RNF38: variants seen among roughly 807,000 people sequenced by gnomAD.
The protein encoded by RNF38 is ring finger protein 38, also known as E3 ubiquitin-protein ligase RNF38.
RNF38 carries 15 observed loss-of-function variants against 67.2 expected under a neutral mutation model. That is an observed-to-expected ratio of 0.22 (90% CI 0.15 to 0.34). The LOEUF is 0.34. Ranked by LOEUF, RNF38 falls within the 10% of genes least tolerant of loss-of-function variation. The pLI is 1.00. For missense variants in RNF38, 524 were observed against 639.9 expected, an observed-to-expected ratio of 0.82 and a Z score of 1.95; for synonymous variants, 220 against 218.8, an observed-to-expected ratio of 1.01 and a Z score of -0.05.
intron 2 of RNF38, among the ~76,000 whole-genome samples, chr9:36,385,173 A>G (rs1158891580): frequency 6.6e-6 from 1 of 152,150 alleles, no homozygotes; most frequent in Non-Finnish European, 1.5e-5. Context: ...TTGAAGTATC[A>G]TCTTCTCTTA....
chr9:36,368,472 C>A (rs1357631959), intron 4 of RNF38, among the ~76,000 whole-genome samples: 1 of 152,120 alleles, frequency 6.6e-6, no homozygotes, highest in Non-Finnish European at 1.5e-5. Flanking sequence ...TATACATACA[C>A]TCATATACAT....
At chr9:36,486,548 G>C (rs555148575) in intron 1 of RNF38, among the ~76,000 whole-genome samples, 11 of 152,224 alleles carry the variant, frequency 7.2e-5, no homozygotes, top group African/African-American at 2.6e-4. Flanking sequence ...CCTTACGGGC[G>C]CCTCCACAAA....
chr9:36,470,921 C>G (rs1428149595), intron 1 of RNF38, among the ~76,000 whole-genome samples: 1 of 152,150 alleles, frequency 6.6e-6, no homozygotes, highest in East Asian at 1.9e-4. Context: ...CCATCTCTCC[C>G]TTTGCTTCTC....
At chr9:36,431,869 AG>A (rs1838941273) in intron 1 of RNF38, among the ~76,000 whole-genome samples, 1 of 152,074 alleles carries the variant, frequency 6.6e-6, no homozygotes, top group South Asian at 2.1e-4. Flanking sequence ...GAAGCTATCA[AG>A]GGGCCCACCA....
At chr9:36,370,916 A>C (rs1026150875) in intron 3 of RNF38, among the ~76,000 whole-genome samples, 4 of 152,112 alleles carry the variant, frequency 2.6e-5, no homozygotes, top group African/African-American at 7.2e-5. Context: ...CTTAAAAAAA[A>C]AAGAGAGGGA....
At chr9:36,368,553 T>C (rs1168043484) in intron 4 of RNF38, among the ~76,000 whole-genome samples, 2 of 152,160 alleles carry the variant, frequency 1.3e-5, no homozygotes, top group Non-Finnish European at 2.9e-5. Flanking sequence ...CTCAAGGGGA[T>C]GGGGAGAAGG....
chr9:36,345,047 C>T (rs1185873271), intron 9 of RNF38, 94 bp from the exon 10 acceptor site: 4 of 1,374,486 alleles, frequency 2.9e-6, no homozygotes, highest in African/African-American at 1.4e-5. Context: ...GCTATGTTGC[C>T]CAGGCTAGAG....
chr9:36,412,375 G>T (rs1164623795), intron 2 of RNF38, among the ~76,000 whole-genome samples: 18 of 152,172 alleles, frequency 1.2e-4, no homozygotes, highest in Non-Finnish European at 2.6e-4. Context: ...AAAGTGTCAG[G>T]TTGAAGGCCA....
At chr9:36,351,674 C>G (rs1035392360) in intron 8 of RNF38, among the ~76,000 whole-genome samples, 1 of 152,130 alleles carries the variant, frequency 6.6e-6, no homozygotes. Context: ...AAAACTATGA[C>G]CACAGTGTGG....
chr9:36,406,474 T>C (rs940575695), intron 2 of RNF38, among the ~76,000 whole-genome samples: 7 of 152,230 alleles, frequency 4.6e-5, no homozygotes, highest in Non-Finnish European at 1.0e-4. Flanking sequence ...ATTGCCGAGT[T>C]AGTGGCCTCT....
chr9:36,455,012 C>T (rs935985467), intron 1 of RNF38, among the ~76,000 whole-genome samples: 5 of 152,108 alleles, frequency 3.3e-5, no homozygotes, highest in African/African-American at 1.2e-4. Flanking sequence ...ATTCAACTCC[C>T]ATGCGTATAA....
chr9:36,344,982 AT>A, intron 9 of RNF38, 29 bp from the exon 10 acceptor site: 1 of 1,590,882 alleles, frequency 6.3e-7, no homozygotes, highest in Non-Finnish European at 8.6e-7. Flanking sequence ...ACATATTTTC[AT>A]CTATCTTTAC....
intron 2 of RNF38, among the ~76,000 whole-genome samples, chr9:36,423,159 G>A (rs986614731): frequency 1.3e-5 from 2 of 152,146 alleles, no homozygotes; most frequent in African/African-American, 4.8e-5. Flanking sequence ...AAAATTTTCT[G>A]TAGCCAACTA....
At position 36,416,345 on chromosome 9, in the gene RNF38, T is replaced by C. The variant is rs367790949; in HGVS notation, n.312+8268A>G. On this transcript the variant is annotated intron_variant and non_coding_transcript_variant, in intron 2 of 3. Transcript: ENST00000488058. Reference sequence around the variant, plus strand: ...GCTGGCAGTGACAGGCCTCACCGAATTCCTCCACAACCAGCAAGGCCGGTC... The same window carrying C: ...GCTGGCAGTGACAGGCCTCACCGAACTCCTCCACAACCAGCAAGGCCGGTC... 9.0e-4 allele frequency among the ~76,000 whole-genome samples: 137 copies of C among 152,154 alleles called. 1 individual carries two copies. The highest frequency in any genetic ancestry group is 6.8e-3 in the Middle Eastern group (2 of 294).
intron 1 of RNF38, among the ~76,000 whole-genome samples, chr9:36,470,268 A>G (rs1262225003): frequency 1.3e-5 from 2 of 152,198 alleles, no homozygotes; most frequent in African/African-American, 4.8e-5. Context: ...GCCTTGCCAG[A>G]AATCGGCATT....
At chr9:36,416,948 C>T (rs192183080) in intron 2 of RNF38, among the ~76,000 whole-genome samples, 5 of 151,996 alleles carry the variant, frequency 3.3e-5, no homozygotes, top group African/African-American at 7.2e-5. Context: ...GATAGGATTT[C>T]GCCACGTTAG....
chr9:36,484,567 T>C (rs1840356318), intron 1 of RNF38, among the ~76,000 whole-genome samples: 2 of 152,188 alleles, frequency 1.3e-5, no homozygotes, highest in South Asian at 2.1e-4. Flanking sequence ...TTTTAAGTAA[T>C]AGGACATTAA....
Position 36,390,465 on chromosome 9 carries a change from AC to A in RNF38, c.162+1del. 6.2e-7 allele frequency: 1 copy of A among 1,612,026 alleles called. No homozygotes were observed. Among genetic ancestry groups the A allele is most frequent in the Non-Finnish European group, 8.5e-7 (1 of 1,179,252 alleles). On this transcript the variant is annotated splice_donor_variant, in intron 2 of 11. Transcript: ENST00000259605. LOFTEE classifies it high-confidence loss of function. The stretch of plus-strand genomic sequence containing the variant: ...GTAGGGAAAGGGTAAATATATAAGA[AC>A]CTGGAAGAAAGCTTTGAAGTGAGCA...
At chr9:36,372,189 A>G (rs1267642872) in intron 3 of RNF38, among the ~76,000 whole-genome samples, 2 of 152,110 alleles carry the variant, frequency 1.3e-5, no homozygotes, top group Non-Finnish European at 2.9e-5. Context: ...TCAGCCTCCC[A>G]AAGTGCTGGG....
Sources: allele counts gnomAD v4.1 joint callset (sites outside exome capture counted in the v4.1 genomes callset), GRCh38; gene constraint gnomAD v4.1.1; transcripts MANE v1.5; gene names NCBI Gene and HGNC (gene_info 2026-07-23, HGNC 2026-07-21).